CCDC148: variants seen among roughly 807,000 people sequenced by gnomAD.
CCDC148 encodes the protein coiled-coil domain-containing protein 148.
In CCDC148, 89 loss-of-function variants were observed where a neutral mutation model predicts 85.7. The observed-to-expected ratio is 1.04, with a 90% confidence interval of 0.87 to 1.24. The LOEUF (loss-of-function observed/expected upper bound fraction) is 1.24. Among genes scored for constraint, CCDC148 ranks in the 50% most tolerant of loss-of-function variants. The pLI is 0.00. For missense variants in CCDC148, 692 were observed against 671.7 expected (o/e 1.03, Z -0.33); for synonymous variants, 230 against 213.9 (o/e 1.08, Z -0.66).
chr2:158,421,691 G>A (rs1481663124), intron 1 of CCDC148, among the ~76,000 whole-genome samples: 2 of 152,080 alleles, frequency 1.3e-5, no homozygotes, highest in Non-Finnish European at 2.9e-5. Flanking sequence ...CAAGAAGCAA[G>A]AGCAAACACA....
rs918940027 is a variant in CCDC148 at position 158,249,762 on chromosome 2, C to A, written c.1251+1010G>T. On this transcript the variant is annotated intron_variant, in intron 10 of 13. Coordinates refer to ENST00000283233, the MANE Select transcript of CCDC148 (RefSeq NM_138803.4). ...TTACCTCTACATATTCAACTTGGAA[C>A]AACCTCTAGGCATGAGCTTCTTTGA... 5.3e-5 allele frequency among the ~76,000 whole-genome samples: 8 copies of A among 152,184 alleles called. No individual in the cohort carries two copies. In the South Asian group the frequency reaches 1.2e-3, roughly 24 times the overall value.
chr2:158,394,626 T>C (rs550285914), intron 1 of CCDC148, among the ~76,000 whole-genome samples: 36 of 150,320 alleles, frequency 2.4e-4, no homozygotes, highest in Non-Finnish European at 1.9e-4. Flanking sequence ...AAAAAAAAAC[T>C]GTGGAGAAAC....
intron 1 of CCDC148, among the ~76,000 whole-genome samples, chr2:158,400,366 G>A (rs1685724868): frequency 6.6e-6 from 1 of 152,080 alleles, no homozygotes; most frequent in South Asian, 2.1e-4. Context: ...CAGACATATA[G>A]ACCAATGGAA....
At chr2:158,172,759 A>G (rs997888100) in intron 13 of CCDC148, among the ~76,000 whole-genome samples, 3 of 152,110 alleles carry the variant, frequency 2.0e-5, no homozygotes, top group Non-Finnish European at 4.4e-5. Flanking sequence ...TTCAAACAGA[A>G]GTAGAAAATG....
At chr2:158,174,862 C>T (rs1684497368) in intron 13 of CCDC148, among the ~76,000 whole-genome samples, 1 of 152,012 alleles carries the variant, frequency 6.6e-6, no homozygotes, top group Non-Finnish European at 1.5e-5. Flanking sequence ...TAAGGGACCA[C>T]CAACATATAT....
chr2:158,224,968 G>A (rs1687420256), intron 10 of CCDC148, among the ~76,000 whole-genome samples: 1 of 152,142 alleles, frequency 6.6e-6, no homozygotes, highest in Admixed American at 6.5e-5. Flanking sequence ...AACCTTAAAT[G>A]TAAATGGGCT....
chr2:158,349,073 T>C (rs185575169), intron 2 of CCDC148, among the ~76,000 whole-genome samples: 12 of 152,096 alleles, frequency 7.9e-5, no homozygotes, highest in Admixed American at 2.0e-4. Context: ...ATCGCAGAAA[T>C]TGTGCATGAT....
Position 158,172,168 on chromosome 2 carries a change from A to G in CCDC148, c.1721T>C (p.Ile574Thr), listed in dbSNP as rs1684345838. The G allele has an allele frequency of 6.2e-7, 1 of 1,609,990 alleles. No individual in the cohort carries two copies. The highest frequency in any genetic ancestry group is 8.5e-7 in the Non-Finnish European group (1 of 1,177,590). The change falls in exon 14 of 14, where the codon ATT becomes ACT. Residue 574 changes from isoleucine (I) to threonine (T), a missense_variant. By Grantham distance (89) the Ile-to-Thr change is moderately conservative (BLOSUM62 -1). Transcript: ENST00000283233. ...CTTTCTTGGAGGTTTTTGAGGACTA[A>G]TTTTTGGTAATATCTCTTTAGCATA... The part of the protein sequence containing the change: ...TLYAKEILPK[I>T]SPQKPPRKDM...
intron 1 of CCDC148, among the ~76,000 whole-genome samples, chr2:158,433,173 T>C (rs1005203073): frequency 7.8e-5 from 11 of 140,662 alleles, no homozygotes; most frequent in African/African-American, 1.6e-4. Flanking sequence ...GGCAGGAGGA[T>C]TGTTCAGGCC....
At chr2:158,283,674 G>C (rs1045576711) in intron 9 of CCDC148, among the ~76,000 whole-genome samples, 2 of 151,836 alleles carry the variant, frequency 1.3e-5, no homozygotes, top group Non-Finnish European at 2.9e-5. Context: ...TTACACTGTT[G>C]GTGGGACTGT....
At chr2:158,433,223 G>A (rs1687453720) in intron 1 of CCDC148, among the ~76,000 whole-genome samples, 1 of 136,796 alleles carries the variant, frequency 7.3e-6, no homozygotes, top group Non-Finnish European at 1.6e-5. Context: ...TCAAACCACT[G>A]TACTATAGCC....
intron 1 of CCDC148, chr2:158,447,273 G>A (rs1688200016): frequency 6.6e-6 from 1 of 152,170 alleles, no homozygotes; most frequent in Non-Finnish European, 1.5e-5. Flanking sequence ...TTTCCAACCT[G>A]AGCTGCTTCA....
rs144010547 is a variant in CCDC148 at position 158,347,318 on chromosome 2, T to C, written c.148-2000A>G. Among the ~76,000 whole-genome samples, 753 of 152,196 alleles carry C rather than the reference T, an allele frequency of 4.9e-3. 2 individuals carry two copies. Among genetic ancestry groups the C allele is most frequent in the African/African-American group, 0.017 (709 of 41,540 alleles). On this transcript the variant is annotated intron_variant, in intron 2 of 13. Transcript: ENST00000283233. ...CTCTCGCCTTTGGGCCCATGGAAAGTTCAATTAAGTAGACTATAAAAGTCA... is the reference window on the plus strand; with the variant it reads ...CTCTCGCCTTTGGGCCCATGGAAAGCTCAATTAAGTAGACTATAAAAGTCA...
intron 1 of CCDC148, among the ~76,000 whole-genome samples, chr2:158,431,390 A>G (rs1231380992): frequency 1.3e-5 from 2 of 152,008 alleles, no homozygotes; most frequent in African/African-American, 4.8e-5. Flanking sequence ...GAGAAGAATG[A>G]TCACAGACTT....
chr2:158,239,109 C>A (rs1445425189), intron 10 of CCDC148, among the ~76,000 whole-genome samples: 1 of 152,114 alleles, frequency 6.6e-6, no homozygotes. Context: ...TTGCACATAG[C>A]AAGTACTGTT....
At chr2:158,447,390 T>G (rs1688205133) in intron 1 of CCDC148, 1 of 152,210 alleles carries the variant, frequency 6.6e-6, no homozygotes. Flanking sequence ...CCAGAACTCC[T>G]GAACTCCAGG....
chr2:158,405,742 ATG>A (rs1417550881), intron 1 of CCDC148, among the ~76,000 whole-genome samples: 1 of 152,170 alleles, frequency 6.6e-6, no homozygotes, highest in Non-Finnish European at 1.5e-5. Context: ...CCTAATTTAC[ATG>A]TTTCATATTT....
At chr2:158,302,649 T>C (rs1474251092) in intron 9 of CCDC148, among the ~76,000 whole-genome samples, 1 of 152,022 alleles carries the variant, frequency 6.6e-6, no homozygotes, top group Non-Finnish European at 1.5e-5. Flanking sequence ...CTGGGTGTGG[T>C]GGCACATGCC....
At chr2:158,234,845 C>G (rs1288946718) in intron 10 of CCDC148, among the ~76,000 whole-genome samples, 4 of 152,138 alleles carry the variant, frequency 2.6e-5, no homozygotes, top group Non-Finnish European at 5.9e-5. Flanking sequence ...TGTAAAGACA[C>G]TGTTAATTTT....
Sources: gnomAD v4.1 joint callset for allele counts (sites outside exome capture counted in the v4.1 genomes callset) on GRCh38, gnomAD v4.1.1 for gene constraint, MANE v1.5 for transcripts, NCBI Gene and HGNC (gene_info 2026-07-23, HGNC 2026-07-21) for gene names.